Variants in ATP2B3 observed in about 807,000 individuals in gnomAD.
ATP2B3 encodes the protein plasma membrane calcium-transporting ATPase 3.
ATP2B3 carries 12 observed loss-of-function variants against 70.8 expected under a neutral mutation model. That is an observed-to-expected ratio of 0.17 (90% CI 0.11 to 0.27). ATP2B3 has a LOEUF of 0.27. ATP2B3 is among the 10% of genes least tolerant of loss of function. ATP2B3 has a pLI of 1.00. For missense variants in ATP2B3, 858 were observed against 1,118.5 expected (o/e 0.77, Z 3.32); for synonymous variants, 460 against 497.8 (o/e 0.92, Z 1.01).
rs781921289 is a variant in ATP2B3 at position 153,580,262 on chromosome X, C to T, written c.3627C>T (p.Pro1209=). The T allele has an allele frequency of 2.1e-5, 25 of 1,208,516 alleles. No individual in the cohort carries two copies. The highest frequency in any genetic ancestry group is 2.6e-5 in the Non-Finnish European group (23 of 894,049). Residue 1209 remains proline, a synonymous_variant, in exon 22 of 22, where the codon CCC becomes CCT. Transcript: ENST00000263519. ...SATSSVFSSS[P]GSPLHSVETS... is the part of the protein sequence containing the mutation. ...CCTCTTCAGTGTTTTCCTCCAGTCC[C>T]GGGAGCCCGCTCCACAGCGTGGAGA...
chrX:153,525,921 A>C (rs1556999607), intron 2 of ATP2B3, among the ~76,000 whole-genome samples: 1 of 113,229 alleles, frequency 8.8e-6, no homozygotes. Flanking sequence ...CCACTGCCCC[A>C]GACGCCTGCC....
Position 153,550,147 on chromosome X carries a change from C to T in ATP2B3, c.1684C>T (p.Arg562Cys), listed in dbSNP as rs782199372. 1 of 1,212,443 alleles carries T rather than the reference C, an allele frequency of 8.2e-7. No homozygotes were observed. The highest frequency in any genetic ancestry group is 1.1e-6 in the Non-Finnish European group (1 of 895,653). Residue 562 changes from arginine (R) to cysteine (C), a missense_variant, in exon 12 of 22, where the codon CGC (arginine) becomes TGC (cysteine). Physicochemically the swap from Arg to Cys is radical, Grantham distance 180. Coordinates refer to ENST00000263519, the MANE Select transcript of ATP2B3 (RefSeq NM_001001344.3). ...LDLKRDFQPVREQIPEDKLYK... is the reference protein window; with the variant it reads ...LDLKRDFQPVCEQIPEDKLYK... The stretch of plus-strand genomic sequence containing the variant: ...CCTGAAGCGGGACTTCCAGCCCGTG[C>T]GCGAGCAGATCCCGGAAGACAAGCT...
At chrX:153,525,469 T>C (rs1308925047) in intron 2 of ATP2B3, among the ~76,000 whole-genome samples, 1 of 111,578 alleles carries the variant, frequency 9.0e-6, no homozygotes, top group East Asian at 2.8e-4. Context: ...CCAGCCCCAA[T>C]TCTCGGGCAG....
At chrX:153,523,589 GTACTT>G (rs1161351443) in intron 2 of ATP2B3, among the ~76,000 whole-genome samples, 6 of 110,332 alleles carry the variant, frequency 5.4e-5, no homozygotes, top group Non-Finnish European at 9.5e-5. Context: ...TCAAAAATAT[GTACTT>G]TACTTTATAT....
At chrX:153,530,046 G>A (rs1193569902) in intron 2 of ATP2B3, among the ~76,000 whole-genome samples, 1 of 112,673 alleles carries the variant, frequency 8.9e-6, no homozygotes, top group Non-Finnish European at 1.9e-5. Context: ...ATACGTTTGT[G>A]TCCCTGCTTT....
At chrX:153,571,003 T>TACACACACACACACAC (rs879951205) in intron 21 of ATP2B3, among the ~76,000 whole-genome samples, 9 of 87,635 alleles carry the variant, frequency 1.0e-4, no homozygotes, top group African/African-American at 3.8e-4. Context: ...CGTGCGCGCG[T>TACACACACACACACAC]ACACACACAC....
intron 6 of ATP2B3, 38 bp downstream of exon 6, chrX:153,542,486 G>A (rs939023117): frequency 8.3e-6 from 10 of 1,200,687 alleles, no homozygotes; most frequent in Non-Finnish European, 1.1e-5. Context: ...GCACCAAGGG[G>A]CGTCAGCAGC....
At chrX:153,570,999 C>T (rs868959097) in intron 21 of ATP2B3, among the ~76,000 whole-genome samples, 2 of 72,301 alleles carry the variant, frequency 2.8e-5, no homozygotes, top group African/African-American at 5.8e-5. Flanking sequence ...AGCACGTGCG[C>T]GCGTACACAC....
rs782518453 is a variant in ATP2B3 at position 153,574,648 on chromosome X, TTTTCC to T, written c.3343-5321_3343-5317del. ...AGGAGTCTTTGCTTTGATTGTTCTC[TTTTCC>T]TTTCCTTTTTCTACTCTTCTCGGTC... On this transcript the variant is annotated intron_variant, in intron 21 of 21. Transcript: ENST00000263519. 344 of 267,237 alleles carry T rather than the reference TTTTCC, an allele frequency of 1.3e-3. 1 individual carries two copies. The highest frequency in any genetic ancestry group is 2.1e-3 in the Non-Finnish European group (288 of 136,527). The allele number at this position is 267,237 out of a possible 1,213,427, so 22.0% of individuals were successfully genotyped here.
chrX:153,542,189 A>G, intron 5 of ATP2B3, 134 bp from the exon 6 acceptor site: 1 of 1,013,542 alleles, frequency 9.9e-7, no homozygotes, highest in Non-Finnish European at 1.3e-6. Flanking sequence ...AAGGATGCAA[A>G]TGTCCTCGTT....
intron 21 of ATP2B3, chrX:153,574,796 C>T (rs781841761): frequency 2.1e-5 from 7 of 329,391 alleles, no homozygotes; most frequent in South Asian, 5.2e-5. Flanking sequence ...ATGCACATGG[C>T]GGGCACCTCC....
chrX:153,541,376 A>G lies in ATP2B3; in HGVS notation c.226A>G (p.Asn76Asp). 1 of 1,211,667 alleles carries G rather than the reference A, an allele frequency of 8.3e-7. No homozygotes were observed. The highest frequency in any genetic ancestry group is 1.8e-5 in the South Asian group (1 of 56,999). The part of the protein sequence containing the change: ...SPTEGLADNT[N>D]DLEKRRQIYG... ...CCATGCAGGCCTGGCGGACAACACC[A>G]ATGACCTGGAGAAGCGCAGGCAGAT... The change falls in exon 4 of 22, where the codon AAT becomes GAT. Residue 76 changes from asparagine to aspartate, a missense_variant. Around this residue, in one of 5 missense-constraint regions of ATP2B3, gnomAD observed 278 missense variants for 366.2 expected, o/e 0.76. Transcript: ENST00000263519.
chrX:153,559,581 G>A (rs1437657076), intron 17 of ATP2B3, 148 bp from the exon 18 acceptor site: 1 of 497,138 alleles, frequency 2.0e-6, no homozygotes, highest in Middle Eastern at 4.6e-4. Context: ...TAGCGTAAAG[G>A]CGATGTAGGG....
At chrX:153,563,841 G>A (rs2124509139) in intron 20 of ATP2B3, among the ~76,000 whole-genome samples, 2 of 112,729 alleles carry the variant, frequency 1.8e-5, no homozygotes, top group East Asian at 2.8e-4. Context: ...ATGTTCAAGA[G>A]AAAAACGAAA....
chrX:153,548,134 G>A, intron 9 of ATP2B3, 135 bp downstream of exon 9: 1 of 908,853 alleles, frequency 1.1e-6, no homozygotes, highest in Non-Finnish European at 1.5e-6. Context: ...AGGCAGGCAA[G>A]GGCACAGGCC....
intron 20 of ATP2B3, 50 bp downstream of exon 20, chrX:153,562,292 T>A (rs1277824361): frequency 9.0e-7 from 1 of 1,108,473 alleles, no homozygotes; most frequent in African/African-American, 1.8e-5. Flanking sequence ...AGACAGCTTC[T>A]GTGATGGGCC....
chrX:153,523,820 C>T (rs1226471326), intron 2 of ATP2B3, among the ~76,000 whole-genome samples: 5 of 107,830 alleles, frequency 4.6e-5, no homozygotes, highest in Non-Finnish European at 9.6e-5. Context: ...CTCAGCCTCC[C>T]GAGTAGCTGG....
At chrX:153,576,710 C>T (rs2090861561) in intron 21 of ATP2B3, among the ~76,000 whole-genome samples, 1 of 111,515 alleles carries the variant, frequency 9.0e-6, no homozygotes, top group South Asian at 3.8e-4. Context: ...GTGGCGCGTC[C>T]TGGGCTGAGA....
rs1557015372 is a variant in ATP2B3, at chrX:153,559,764, G to C, written c.2661G>C (p.Val887=). ...SPLKAVQMLW[V]NLIMDTFASL... ...TCAAAGCCGTGCAGATGTTGTGGGT[G>C]AACTTGATCATGGACACATTTGCCT... is the stretch of plus-strand genomic sequence containing the variant. The change falls in exon 18 of 22, where the codon GTG becomes GTC. Residue 887 remains valine, a synonymous_variant. Coordinates refer to ENST00000263519, the MANE Select transcript of ATP2B3 (RefSeq NM_001001344.3). 1 of 1,211,721 alleles carries C rather than the reference G, an allele frequency of 8.3e-7. No homozygotes were observed. The highest frequency in any genetic ancestry group is 1.1e-6 in the Non-Finnish European group (1 of 895,517).
Sources: gnomAD v4.1 joint callset for allele counts (sites outside exome capture counted in the v4.1 genomes callset) on GRCh38, gnomAD v4.1.1 for gene constraint, gnomAD v4.1.1 regional missense constraint, MANE v1.5 for transcripts, NCBI Gene and HGNC (gene_info 2026-07-23, HGNC 2026-07-21) for gene names.